FHAD1: variants seen among roughly 807,000 people sequenced by gnomAD.
The protein encoded by FHAD1 is forkhead associated phosphopeptide binding domain 1.
In FHAD1, 146 loss-of-function variants were observed where a neutral mutation model predicts 191.3. The observed-to-expected ratio is 0.76, with a 90% CI of 0.67 to 0.88. FHAD1 has a LOEUF of 0.88. FHAD1 is among the 40% of genes least tolerant of loss of function. The pLI is 0.00. For missense variants in FHAD1, 1,635 were observed against 1,785.8 expected, an observed-to-expected ratio of 0.92 and a Z score of 1.52; for synonymous variants, 616 against 672.3, an observed-to-expected ratio of 0.92 and a Z score of 1.29.
At chr1:15,292,459 G>A (rs1207095940) in intron 4 of FHAD1, among the ~76,000 whole-genome samples, 16 of 152,186 alleles carry the variant, frequency 1.1e-4, no homozygotes, top group East Asian at 3.8e-4. Flanking sequence ...TCAGCCTCCC[G>A]AGTAGCTGGG....
At chr1:15,295,987 C>T (rs1558033756) in intron 4 of FHAD1, among the ~76,000 whole-genome samples, 1 of 152,186 alleles carries the variant, frequency 6.6e-6, no homozygotes, top group East Asian at 1.9e-4. Context: ...TCACAGTAGC[C>T]CTTTATGATA....
At chr1:15,333,518 T>C (rs1425755286) in intron 14 of FHAD1, among the ~76,000 whole-genome samples, 2 of 152,210 alleles carry the variant, frequency 1.3e-5, no homozygotes, top group Non-Finnish European at 2.9e-5. Flanking sequence ...TTTGCCCATT[T>C]TCCTCATTTT....
At chr1:15,320,620 A>C (rs766001177) in intron 10 of FHAD1, among the ~76,000 whole-genome samples, 1 of 152,220 alleles carries the variant, frequency 6.6e-6, no homozygotes, top group Non-Finnish European at 1.5e-5. Flanking sequence ...TCATTGCTAG[A>C]GATGTTTTTC....
In FHAD1 at chr1:15,369,350, C is replaced by T. The variant is rs1697449286; in HGVS notation, c.3315-20C>T. 1 of 1,551,726 alleles carries T rather than the reference C, an allele frequency of 6.4e-7. No individual in the cohort carries two copies. Among genetic ancestry groups the T allele is most frequent in the Non-Finnish European group, 8.7e-7 (1 of 1,146,912 alleles). The stretch of plus-strand genomic sequence containing the variant: ...TGTGGTTTCCAGAACCTCGTGCCAT[C>T]CTCCTCTTCTCTACCCTAGGGCTTC... On this transcript the variant is annotated intron_variant, in intron 25 of 33. Transcript: ENST00000688493.
chr1:15,287,429 A>G (rs1662867480), intron 3 of FHAD1, among the ~76,000 whole-genome samples: 1 of 152,202 alleles, frequency 6.6e-6, no homozygotes, highest in Non-Finnish European at 1.5e-5. Flanking sequence ...ACTTACAATC[A>G]TGGCAGAAGG....
intron 14 of FHAD1, chr1:15,335,488 T>C (rs1159898634): frequency 6.6e-6 from 1 of 152,114 alleles, no homozygotes; most frequent in African/African-American, 2.4e-5. Context: ...CTTTTTTTTT[T>C]TTTAAATGTC....
chr1:15,393,233 C>G (rs1704720515), intron 33 of FHAD1: 1 of 152,218 alleles, frequency 6.6e-6, no homozygotes, highest in Non-Finnish European at 1.5e-5. Context: ...CACCACCACG[C>G]CCAGCTAACT....
chr1:15,248,650 A>G (rs952572372), intron 1 of FHAD1, among the ~76,000 whole-genome samples: 1 of 151,580 alleles, frequency 6.6e-6, no homozygotes, highest in African/African-American at 2.4e-5. Flanking sequence ...CAGTGGCACA[A>G]TCTCAGCTCA....
chr1:15,359,546 T>C (rs1482228279), intron 21 of FHAD1, among the ~76,000 whole-genome samples: 1 of 151,988 alleles, frequency 6.6e-6, no homozygotes, highest in African/African-American at 2.4e-5. Flanking sequence ...AATTTTTTGT[T>C]TTTAAGAAAT....
chr1:15,338,519 A>C (rs532339792), intron 14 of FHAD1, among the ~76,000 whole-genome samples: 2 of 152,236 alleles, frequency 1.3e-5, no homozygotes, highest in Admixed American at 6.5e-5. Flanking sequence ...CCCATCTCGA[A>C]ATCCTTAACT....
intron 2 of FHAD1, among the ~76,000 whole-genome samples, chr1:15,267,270 G>T (rs760319317): frequency 6.6e-6 from 1 of 151,784 alleles, no homozygotes; most frequent in African/African-American, 2.4e-5. Flanking sequence ...ATTTTCAAAC[G>T]CCAAATCAGT....
intron 11 of FHAD1, 102 bp downstream of exon 11, chr1:15,324,661 C>G: frequency 1.3e-6 from 1 of 792,978 alleles, no homozygotes. Context: ...GGTAGAAAGA[C>G]AGACGTGCGT....
At chr1:15,268,297 C>A (rs1480074999) in intron 2 of FHAD1, among the ~76,000 whole-genome samples, 2 of 151,950 alleles carry the variant, frequency 1.3e-5, no homozygotes, top group South Asian at 4.1e-4. Flanking sequence ...TTTCCAATTT[C>A]ATCCATGTCC....
chr1:15,353,025 C>T, intron 20 of FHAD1, 41 bp downstream of exon 20: 1 of 1,389,934 alleles, frequency 7.2e-7, no homozygotes, highest in Non-Finnish European at 1.0e-6. Flanking sequence ...GGGCCCAGCA[C>T]AGCGAAGGGC....
intron 33 of FHAD1, among the ~76,000 whole-genome samples, chr1:15,393,430 G>GCACACACACACA (rs57536175): frequency 0.028 from 4,147 of 146,796 alleles, 196 homozygotes; most frequent in African/African-American, 0.096. Flanking sequence ...ACACACACAC[G>GCACACACACACA]CACACACACA....
chr1:15,238,507 G>A (rs538122344), intron 1 of FHAD1, among the ~76,000 whole-genome samples: 8 of 152,230 alleles, frequency 5.3e-5, no homozygotes, highest in African/African-American at 1.9e-4. Flanking sequence ...CACAAGGGAG[G>A]GCACAGGAGG....
intron 5 of FHAD1, among the ~76,000 whole-genome samples, chr1:15,297,280 A>C (rs1308250684): frequency 6.6e-6 from 1 of 152,238 alleles, no homozygotes; most frequent in Non-Finnish European, 1.5e-5. Flanking sequence ...AGACAGGAAG[A>C]GAGGTCAGAA....
chr1:15,321,853 A>T (rs938363600), intron 10 of FHAD1, among the ~76,000 whole-genome samples: 2 of 152,174 alleles, frequency 1.3e-5, no homozygotes, highest in South Asian at 2.1e-4. Flanking sequence ...GTGTCTGAAA[A>T]TTTCTATATT....
Position 15,318,050 on chromosome 1 carries a change from G to C in FHAD1, c.1365+122G>C. On this transcript the variant is annotated intron_variant, in intron 10 of 33. Transcript: ENST00000688493. The surrounding 1 kb of genome is among the most constrained non-coding windows in gnomAD (Gnocchi z 4.1). The stretch of plus-strand genomic sequence containing the variant: ...CCTTCTTACAGCTGAGAAAACTGAG[G>C]CTCACACAGGGACAGGGACCAGGTT... 1 of 628,370 alleles carries C rather than the reference G, an allele frequency of 1.6e-6. No homozygotes were observed. Among genetic ancestry groups the C allele is most frequent in the Non-Finnish European group, 2.7e-6 (1 of 365,554 alleles). The allele number at this position is 628,370 out of a possible 1,614,324, so 38.9% of individuals were successfully genotyped here. A position where few individuals can be genotyped will look rare whatever the true frequency, so the allele number is the denominator to read the frequency against.
Sources: allele counts gnomAD v4.1 joint callset (sites outside exome capture counted in the v4.1 genomes callset), GRCh38; gene constraint gnomAD v4.1.1; non-coding constraint Gnocchi (gnomAD v3.1); transcripts MANE v1.5; gene names NCBI Gene and HGNC (gene_info 2026-07-23, HGNC 2026-07-21).